SHLD2: variants seen among roughly 807,000 people sequenced by gnomAD.
The protein encoded by SHLD2 is RINN1-REV7-interacting novel NHEJ regulator 2.
SHLD2 carries 30 observed loss-of-function variants against 73.2 expected under a neutral mutation model. The observed-to-expected ratio is 0.41, with a 90% CI of 0.31 to 0.56. The LOEUF (loss-of-function observed/expected upper bound fraction) is 0.56, where lower values mean the gene tolerates loss of function less well. Among genes scored for constraint, SHLD2 ranks in the 20% least tolerant of loss-of-function variants. The probability of loss-of-function intolerance (pLI) is 0.28; values close to 1 mark genes in which losing one functional copy is unlikely to be tolerated. For missense variants in SHLD2, 745 were observed against 1,055.9 expected (o/e 0.71, Z 4.08); for synonymous variants, 285 against 370.1 (o/e 0.77, Z 2.64).
chr10:87,180,657 C>T (rs1252268917), intron 8 of SHLD2, among the ~76,000 whole-genome samples: 1 of 152,198 alleles, frequency 6.6e-6, no homozygotes, highest in African/African-American at 2.4e-5. Context: ...ATCATATGAT[C>T]TCACCTCTGA....
chr10:87,180,847 T>C (rs1352577046), intron 8 of SHLD2, among the ~76,000 whole-genome samples: 3 of 152,230 alleles, frequency 2.0e-5, no homozygotes, highest in South Asian at 2.1e-4. Flanking sequence ...ATAAATTACA[T>C]GTGTTTACAA....
At chr10:87,154,609 G>A (rs1470219497) in intron 3 of SHLD2, among the ~76,000 whole-genome samples, 1 of 151,970 alleles carries the variant, frequency 6.6e-6, no homozygotes. Context: ...TCGAACTCCT[G>A]TCCTCAGGTG....
chr10:87,141,097 T>C (rs1845160395), intron 2 of SHLD2, among the ~76,000 whole-genome samples: 1 of 151,458 alleles, frequency 6.6e-6, no homozygotes, highest in Admixed American at 6.6e-5. Flanking sequence ...CTGGGCAACA[T>C]AGTGAGACCC....
At chr10:87,172,145 C>T (rs1039137250) in intron 6 of SHLD2, among the ~76,000 whole-genome samples, 1 of 152,150 alleles carries the variant, frequency 6.6e-6, no homozygotes, top group Non-Finnish European at 1.5e-5. Context: ...GTTCTTTGTA[C>T]ATTCATTCAT....
chr10:87,124,918 A>G (rs1394404933), intron 2 of SHLD2, among the ~76,000 whole-genome samples: 1 of 151,670 alleles, frequency 6.6e-6, no homozygotes, highest in East Asian at 1.9e-4. Context: ...CTTGTTTTTT[A>G]TTTTTTGTAG....
chr10:87,147,072 G>GAAAAAAAAAAAAAAAAAAA (rs76041937), intron 2 of SHLD2, among the ~76,000 whole-genome samples: 2 of 95,354 alleles, frequency 2.1e-5, no homozygotes, highest in African/African-American at 4.0e-5. Flanking sequence ...AAAAAAAAAA[G>GAAAAAAAAAAAAAAAAAAA]AAAAAAAAAA....
At chr10:87,146,172 C>G (rs995799025) in intron 2 of SHLD2, among the ~76,000 whole-genome samples, 10 of 152,144 alleles carry the variant, frequency 6.6e-5, no homozygotes, top group African/African-American at 1.9e-4. Context: ...TCCACACTTA[C>G]AAGGGTATTT....
At chr10:87,167,308 T>C (rs1199819600) in intron 4 of SHLD2, among the ~76,000 whole-genome samples, 2 of 152,224 alleles carry the variant, frequency 1.3e-5, no homozygotes, top group African/African-American at 4.8e-5. Flanking sequence ...CAATCTTTGT[T>C]TTTACACATA....
chr10:87,111,965 CG>C (rs1022853854), intron 2 of SHLD2, among the ~76,000 whole-genome samples: 70 of 151,944 alleles, frequency 4.6e-4, no homozygotes, highest in African/African-American at 1.7e-3. Context: ...AGGCCAGGTG[CG>C]GTAGCTCACG....
chr10:87,139,007 A>G (rs1564592495), intron 2 of SHLD2, among the ~76,000 whole-genome samples: 1 of 152,248 alleles, frequency 6.6e-6, no homozygotes, highest in East Asian at 1.9e-4. Flanking sequence ...AACTACACAG[A>G]AATCTATAGA....
chr10:87,097,752 T>A (rs1841999448), intron 2 of SHLD2, among the ~76,000 whole-genome samples: 2 of 152,066 alleles, frequency 1.3e-5, no homozygotes, highest in Admixed American at 1.3e-4. Context: ...TTTAAAATCA[T>A]CATGGTTTTG....
At chr10:87,146,168 C>T (rs540976184) in intron 2 of SHLD2, among the ~76,000 whole-genome samples, 25 of 152,292 alleles carry the variant, frequency 1.6e-4, no homozygotes, top group African/African-American at 5.8e-4. Context: ...CAGTTCCACA[C>T]TTACAAGGGT....
intron 7 of SHLD2, among the ~76,000 whole-genome samples, chr10:87,178,235 C>CAAAAAAA (rs71019476): frequency 3.2e-5 from 1 of 31,024 alleles, no homozygotes; most frequent in Non-Finnish European, 5.6e-5. Context: ...TACTCTGTCT[C>CAAAAAAA]AAAAAAAAAA....
At chr10:87,146,592 C>A (rs542094789) in intron 2 of SHLD2, among the ~76,000 whole-genome samples, 1 of 147,510 alleles carries the variant, frequency 6.8e-6, no homozygotes, top group Non-Finnish European at 1.5e-5. Context: ...CCGCGCCCAG[C>A]CTGCGATTTT....
rs1847529555 is a variant in SHLD2 at position 87,170,589 on chromosome 10, T to C, written c.1745T>C (p.Ile582Thr). 1.9e-6 allele frequency: 3 copies of C among 1,613,716 alleles called. No homozygotes were observed. Among genetic ancestry groups the C allele is most frequent in the Non-Finnish European group, 2.5e-6 (3 of 1,179,788 alleles). Reference protein sequence around the residue: ...PPRQPQRVNSIDFVELEHLQP... With the variant: ...PPRQPQRVNSTDFVELEHLQP... ...AGGCAGCCTCAGAGGGTGAACAGTA[T>C]AGACTTTGTAGAATTGGAGCACCTT... is the stretch of plus-strand genomic sequence containing the variant. Residue 582 changes from isoleucine to threonine, a missense_variant, in exon 5 of 10, where the codon ATA (isoleucine) becomes ACA (threonine). Physicochemically the swap from Ile to Thr is moderately conservative, Grantham distance 89 (BLOSUM62 -1). Coordinates refer to ENST00000298786, the MANE Select transcript of SHLD2 (RefSeq NM_001330112.2).
intron 9 of SHLD2, among the ~76,000 whole-genome samples, chr10:87,188,352 T>C (rs1204492988): frequency 1.3e-4 from 20 of 152,158 alleles, no homozygotes; most frequent in Non-Finnish European, 2.5e-4. Context: ...AGGGGTTTTT[T>C]TTCTTTTTTC....
At chr10:87,096,290 C>T (rs1418845829) in intron 1 of SHLD2, among the ~76,000 whole-genome samples, 1 of 152,148 alleles carries the variant, frequency 6.6e-6, no homozygotes, top group African/African-American at 2.4e-5. Context: ...AGTGATCCGC[C>T]CGCCTAGGCC....
intron 4 of SHLD2, among the ~76,000 whole-genome samples, chr10:87,168,127 G>T (rs1847333796): frequency 6.6e-6 from 1 of 151,974 alleles, no homozygotes; most frequent in Non-Finnish European, 1.5e-5. Context: ...CCATTACTAG[G>T]TATATATCCA....
chr10:87,115,989 A>G (rs1843235390), intron 2 of SHLD2, among the ~76,000 whole-genome samples: 2 of 152,250 alleles, frequency 1.3e-5, no homozygotes, highest in Admixed American at 6.5e-5. Context: ...AGTAGCTTTC[A>G]GTAAATATTT....
Sources: gnomAD v4.1 joint callset for allele counts (sites outside exome capture counted in the v4.1 genomes callset) on GRCh38, gnomAD v4.1.1 for gene constraint, MANE v1.5 for transcripts, NCBI Gene and HGNC (gene_info 2026-07-23, HGNC 2026-07-21) for gene names.